Variants in IGFL2 observed in about 807,000 individuals in gnomAD.
IGFL2 encodes the protein insulin growth factor-like family member 2.
IGFL2 carries 7 observed loss-of-function variants against 13.9 expected under a neutral mutation model. That is an observed-to-expected ratio of 0.51 (90% CI 0.29 to 0.95). The LOEUF (loss-of-function observed/expected upper bound fraction) is 0.95, where lower values mean the gene tolerates loss of function less well. IGFL2 is among the 40% of genes least tolerant of loss of function. The probability of loss-of-function intolerance (pLI) is 0.08; values close to 1 mark genes in which losing one functional copy is unlikely to be tolerated. For synonymous variants in IGFL2, 55 were observed against 55.8 expected, an observed-to-expected ratio of 0.99 and a Z score of 0.07; for missense variants, 138 against 147.8, an observed-to-expected ratio of 0.93 and a Z score of 0.34.
the IGFL2 span, among the ~76,000 whole-genome samples, chr19:46,193,308 G>A: frequency 2.0e-5 from 3 of 152,152 alleles, no homozygotes; most frequent in Admixed American, 2.0e-4. Context: ...CCGCTGGTGA[G>A]TCATCCTTCG....
the IGFL2 span, among the ~76,000 whole-genome samples, chr19:46,176,092 A>T: frequency 7.6e-6 from 1 of 132,402 alleles, no homozygotes; most frequent in Non-Finnish European, 1.5e-5. Flanking sequence ...TGACCTCGTG[A>T]TCTGCCCGCC....
chr19:46,080,983 A>G, the IGFL2 span, among the ~76,000 whole-genome samples: 194 of 152,322 alleles, frequency 1.3e-3, no homozygotes, highest in Non-Finnish European at 2.1e-3. Context: ...TTTTACTGCC[A>G]TGCTCATCAC....
At chr19:46,083,923 CATTTACTGCT>C in the IGFL2 span, among the ~76,000 whole-genome samples, 1 of 152,186 alleles carries the variant, frequency 6.6e-6, no homozygotes, top group Non-Finnish European at 1.5e-5. Flanking sequence ...CAATGGTGGG[CATTTACTGCT>C]ATAAACTTCC....
chr19:46,171,788 C>T, the IGFL2 span, among the ~76,000 whole-genome samples: 1 of 152,060 alleles, frequency 6.6e-6, no homozygotes, highest in South Asian at 2.1e-4. Context: ...GTTGAATGGC[C>T]TAGATGGAGG....
upstream of IGFL2, among the ~76,000 whole-genome samples, chr19:46,138,326 A>G (rs539094142): frequency 1.8e-4 from 28 of 152,240 alleles, no homozygotes; most frequent in African/African-American, 4.8e-4. Flanking sequence ...GCATCGTCTA[A>G]CCCTGGGGAG....
the IGFL2 span, among the ~76,000 whole-genome samples, chr19:46,087,510 C>T: frequency 1.3e-5 from 2 of 152,198 alleles, no homozygotes; most frequent in African/African-American, 4.8e-5. Context: ...GGCACTGGCT[C>T]TGGTAATCAG....
chr19:46,144,328 A>G (rs1973005739), upstream of IGFL2, among the ~76,000 whole-genome samples: 1 of 152,162 alleles, frequency 6.6e-6, no homozygotes, highest in Admixed American at 6.5e-5. Flanking sequence ...ATACAACACA[A>G]TTATTCTTAG....
intron 1 of IGFL2, among the ~76,000 whole-genome samples, chr19:46,148,542 G>C (rs1180369269): frequency 2.0e-5 from 3 of 152,246 alleles, no homozygotes; most frequent in East Asian, 1.9e-4. Flanking sequence ...CCTGCACACA[G>C]AGTCAGTCCC....
chr19:46,095,894 C>T, the IGFL2 span, among the ~76,000 whole-genome samples: 6 of 152,246 alleles, frequency 3.9e-5, no homozygotes, highest in African/African-American at 1.4e-4. Context: ...GTCTGTGTGT[C>T]TGTTTTGGTA....
At chr19:46,168,797 T>G in the IGFL2 span, among the ~76,000 whole-genome samples, 1 of 152,210 alleles carries the variant, frequency 6.6e-6, no homozygotes, top group African/African-American at 2.4e-5. Flanking sequence ...TTATATAATT[T>G]TGCTTCAGCT....
chr19:46,176,724 A>T, the IGFL2 span, among the ~76,000 whole-genome samples: 13 of 152,254 alleles, frequency 8.5e-5, no homozygotes, highest in African/African-American at 2.9e-4. Flanking sequence ...CACCCCTGGG[A>T]GGGTCCCTGC....
the IGFL2 span, among the ~76,000 whole-genome samples, chr19:46,206,460 G>C: frequency 2.0e-5 from 3 of 152,216 alleles, no homozygotes; most frequent in African/African-American, 4.8e-5. Flanking sequence ...CTGACACTGT[G>C]AGCTCTGAAC....
intron 1 of IGFL2, among the ~76,000 whole-genome samples, chr19:46,156,043 C>T (rs1973808853): frequency 6.6e-6 from 1 of 152,100 alleles, no homozygotes; most frequent in African/African-American, 2.4e-5. Flanking sequence ...TCTTGAACTC[C>T]TGGGATCAAG....
chr19:46,210,321 G>C, the IGFL2 span: 1 of 152,180 alleles, frequency 6.6e-6, no homozygotes, highest in South Asian at 2.1e-4. Flanking sequence ...GGGAGAATTG[G>C]AGGCAGAAGC....
the IGFL2 span, chr19:46,120,162 C>T: frequency 1.0e-5 from 9 of 881,920 alleles, no homozygotes; most frequent in Non-Finnish European, 1.3e-5. Context: ...AGGCATTCTT[C>T]CCCTGAAGTC....
chr19:46,206,730 A>G, the IGFL2 span: 1 of 152,326 alleles, frequency 6.6e-6, no homozygotes, highest in East Asian at 1.9e-4. Context: ...TAAGATACCC[A>G]TGTTGATGAA....
chr19:46,161,659 A>G (rs549673731), downstream of IGFL2, among the ~76,000 whole-genome samples: 12 of 151,632 alleles, frequency 7.9e-5, no homozygotes, highest in Non-Finnish European at 1.5e-4. Flanking sequence ...TCTGTTTTCC[A>G]TTTGCTTAGT....
the IGFL2 span, among the ~76,000 whole-genome samples, chr19:46,171,566 CTG>C: frequency 6.6e-5 from 10 of 152,168 alleles, no homozygotes; most frequent in African/African-American, 2.2e-4. Flanking sequence ...CAAATTAACT[CTG>C]AGTACAATTT....
chr19:46,096,404 C>T, the IGFL2 span, among the ~76,000 whole-genome samples: 1 of 152,074 alleles, frequency 6.6e-6, no homozygotes, highest in Non-Finnish European at 1.5e-5. Flanking sequence ...TGCTTGTCAG[C>T]TTAAGGAGCT....
Sources: allele counts gnomAD v4.1 joint callset (sites outside exome capture counted in the v4.1 genomes callset), GRCh38; gene constraint gnomAD v4.1.1; transcripts MANE v1.5; gene names NCBI Gene and HGNC (gene_info 2026-07-23, HGNC 2026-07-21).